GPRIN3: variants seen among roughly 807,000 people sequenced by gnomAD.
GPRIN3 encodes G protein-regulated inducer of neurite outgrowth 3.
GPRIN3 carries 12 observed loss-of-function variants against 13.7 expected under a neutral mutation model. The observed-to-expected ratio is 0.87, with a 90% confidence interval of 0.56 to 1.42. The LOEUF (loss-of-function observed/expected upper bound fraction) is 1.42, where lower values mean the gene tolerates loss of function less well. Among genes scored for constraint, GPRIN3 ranks in the 40% most tolerant of loss-of-function variants. The probability of loss-of-function intolerance (pLI) is 0.00; values close to 1 mark genes in which losing one functional copy is unlikely to be tolerated. For missense variants in GPRIN3, 1,009 were observed against 958.7 expected (o/e 1.05, Z -0.69); for synonymous variants, 377 against 372.7 (o/e 1.01, Z -0.13).
rs1410679143 is a variant in GPRIN3 at position 89,241,629 on chromosome 4, G to C, written c.*6151C>G. 1 of 152,072 alleles carries C rather than the reference G, an allele frequency of 6.6e-6. No individual in the cohort carries two copies. Among genetic ancestry groups the C allele is most frequent in the Non-Finnish European group, 1.5e-5 (1 of 67,994 alleles). The allele number at this position is 152,072 out of a possible 1,614,324, so 9.4% of individuals were successfully genotyped here. On this transcript the variant is annotated 3_prime_UTR_variant, in exon 2 of 2. Transcript: ENST00000609438. ...AGAATTAGTCTTTCCTCTCCTCTAG[G>C]GATTGGGGAGTATGACTATAATACT... is the stretch of plus-strand genomic sequence containing the variant.
At chr4:89,301,694 T>C (rs1354355141) in intron 1 of GPRIN3, among the ~76,000 whole-genome samples, 1 of 152,220 alleles carries the variant, frequency 6.6e-6, no homozygotes, top group Non-Finnish European at 1.5e-5. Context: ...ATAAACCAGA[T>C]CTCCCACTTG....
chr4:89,262,604 C>T (rs1723663247), intron 1 of GPRIN3, among the ~76,000 whole-genome samples: 1 of 152,180 alleles, frequency 6.6e-6, no homozygotes, highest in South Asian at 2.1e-4. Flanking sequence ...GGGAGGTCAG[C>T]CTGGCCATGC....
At chr4:89,263,510 C>A (rs1285412377) in intron 1 of GPRIN3, among the ~76,000 whole-genome samples, 1 of 152,152 alleles carries the variant, frequency 6.6e-6, no homozygotes, top group African/African-American at 2.4e-5. Flanking sequence ...AATGGCCAGG[C>A]AGGAAGCACT....
chr4:89,271,016 G>T (rs1723936373), intron 1 of GPRIN3, among the ~76,000 whole-genome samples: 1 of 152,110 alleles, frequency 6.6e-6, no homozygotes, highest in Non-Finnish European at 1.5e-5. Context: ...TGAATACAAT[G>T]TGTCAGACTA....
intron 1 of GPRIN3, among the ~76,000 whole-genome samples, chr4:89,290,150 T>C (rs559398766): frequency 2.0e-5 from 3 of 151,662 alleles, no homozygotes; most frequent in Admixed American, 6.6e-5. Context: ...TCTGTATTTT[T>C]TGTAGAGACA....
At chr4:89,289,025 C>G (rs1215261525) in intron 1 of GPRIN3, among the ~76,000 whole-genome samples, 2 of 151,926 alleles carry the variant, frequency 1.3e-5, no homozygotes, top group Admixed American at 1.3e-4. Flanking sequence ...TTTCTTTCCA[C>G]TTTCAGATCA....
intron 1 of GPRIN3, among the ~76,000 whole-genome samples, chr4:89,275,524 C>T (rs568374766): frequency 7.2e-5 from 11 of 152,302 alleles, no homozygotes; most frequent in African/African-American, 2.4e-4. Flanking sequence ...AAAAGGATAG[C>T]TTTCCTCTTC....
Position 89,240,989 on chromosome 4 carries a change from T to C in GPRIN3, c.*6791A>G, listed in dbSNP as rs1722907570. The C allele has an allele frequency of 6.6e-6, 1 of 152,172 alleles. No homozygotes were observed. The highest frequency in any genetic ancestry group is 2.4e-5 in the African/African-American group (1 of 41,444). The allele number at this position is 152,172 out of a possible 1,614,324, so 9.4% of individuals were successfully genotyped here. ...GAGGATTTAGATAATTCATACAAGG[T>C]ATGTACACAATCACACCCATAGTAT... On this transcript the variant is annotated 3_prime_UTR_variant, in exon 2 of 2. Transcript: ENST00000609438.
chr4:89,299,414 CAGG>C lies in GPRIN3; in HGVS notation c.-124+8198_-124+8200del, dbSNP rs1243553849. 2.0e-5 allele frequency among the ~76,000 whole-genome samples: 3 copies of C among 152,074 alleles called. No homozygotes were observed. In the East Asian group the frequency reaches 5.8e-4, roughly 29 times the overall value. On this transcript the variant is annotated intron_variant, in intron 1 of 1. Transcript: ENST00000609438. ...AAGTGTGCATGAGGAAGGAAAGTGG[CAGG>C]AGAAGTTGACAAGGCATGAGAGATT...
chr4:89,293,603 T>C (rs1724650644), intron 1 of GPRIN3, among the ~76,000 whole-genome samples: 1 of 152,232 alleles, frequency 6.6e-6, no homozygotes, highest in Non-Finnish European at 1.5e-5. Flanking sequence ...TCAGGGTCAT[T>C]GAGGCTGGAG....
In GPRIN3 at chr4:89,268,542, C is replaced by T. The variant is rs543898898; in HGVS notation, c.-123-18309G>A. On this transcript the variant is annotated intron_variant, in intron 1 of 1. Transcript: ENST00000609438. Reference sequence around the variant, plus strand: ...GCACCTCTGCTACCCCTCCCAAATCCCCCCACAACTCACTTCAAATAAATG... The same window carrying T: ...GCACCTCTGCTACCCCTCCCAAATCTCCCCACAACTCACTTCAAATAAATG... Among the ~76,000 whole-genome samples, 3 of 152,258 alleles carry T rather than the reference C, an allele frequency of 2.0e-5. No homozygotes were observed. In the East Asian group the frequency reaches 5.8e-4, roughly 29 times the overall value.
In GPRIN3 at chr4:89,248,507, G is replaced by T. The variant is rs145319873; in HGVS notation, c.1604C>A (p.Ala535Glu). 1.5e-3 allele frequency: 2,450 copies of T among 1,613,038 alleles called. 4 individuals are homozygous for T. The highest frequency in any genetic ancestry group is 1.8e-3 in the Non-Finnish European group (2,178 of 1,179,478). The change falls in exon 2 of 2, where the codon GCA (alanine) becomes GAA (glutamate). Residue 535 changes from alanine to glutamate, a missense_variant. By Grantham distance (107) the Ala-to-Glu change is moderately radical. Transcript: ENST00000609438. ...GSLDPTNKGD[A>E]REKKPASPQV... ...AGGAGATGCAGGCTTCTTTTCCCTT[G>T]CATCTCCTTTATTAGTGGGATCCAA...
chr4:89,298,520 C>A (rs1157523898), intron 1 of GPRIN3, among the ~76,000 whole-genome samples: 1 of 151,986 alleles, frequency 6.6e-6, no homozygotes, highest in Non-Finnish European at 1.5e-5. Context: ...AGATCATGAC[C>A]AGGAAAAGAG....
chr4:89,285,923 T>C (rs1167533162), intron 1 of GPRIN3, among the ~76,000 whole-genome samples: 2 of 152,196 alleles, frequency 1.3e-5, no homozygotes, highest in African/African-American at 4.8e-5. Context: ...AGAAGCCGTA[T>C]ACTAGTTCTT....
At position 89,247,433 on chromosome 4, in the gene GPRIN3, T is replaced by C. The variant is rs182429788; in HGVS notation, c.*347A>G. Reference sequence around the variant, plus strand: ...AATGGAACTACTACTGTGTGATAAATTGAGGCAGTTATACAAAATAATACA... The same window carrying C: ...AATGGAACTACTACTGTGTGATAAACTGAGGCAGTTATACAAAATAATACA... On this transcript the variant is annotated 3_prime_UTR_variant, in exon 2 of 2. Transcript: ENST00000609438. The C allele has an allele frequency of 1.1e-5, 2 of 186,102 alleles. No homozygotes were observed. Among genetic ancestry groups the C allele is most frequent in the Admixed American group, 1.1e-4 (2 of 17,956 alleles). The allele number at this position is 186,102 out of a possible 1,614,324, so 11.5% of individuals were successfully genotyped here. A position where few individuals can be genotyped will look rare whatever the true frequency, so the allele number is the denominator to read the frequency against.
chr4:89,254,458 C>G (rs543381913), intron 1 of GPRIN3, among the ~76,000 whole-genome samples: 1 of 152,166 alleles, frequency 6.6e-6, no homozygotes, highest in South Asian at 2.1e-4. Context: ...TCATTTAGCT[C>G]CCACTTAAAA....
At chr4:89,297,635 T>G (rs1218906477) in intron 1 of GPRIN3, among the ~76,000 whole-genome samples, 1 of 152,196 alleles carries the variant, frequency 6.6e-6, no homozygotes, top group Admixed American at 6.5e-5. Context: ...TTCAGAGGCA[T>G]GAATTACCAC....
chr4:89,283,707 G>A (rs1724322654), intron 1 of GPRIN3, among the ~76,000 whole-genome samples: 1 of 152,158 alleles, frequency 6.6e-6, no homozygotes, highest in African/African-American at 2.4e-5. Context: ...ATGCTGCCTT[G>A]AAAACTAAGC....
chr4:89,305,108 A>G (rs1053903990), intron 1 of GPRIN3, among the ~76,000 whole-genome samples: 5 of 152,146 alleles, frequency 3.3e-5, no homozygotes, highest in Non-Finnish European at 5.9e-5. Flanking sequence ...TTTGGACTTC[A>G]GTTTGTAGGT....
Sources: gnomAD v4.1 joint callset for allele counts (sites outside exome capture counted in the v4.1 genomes callset) on GRCh38, gnomAD v4.1.1 for gene constraint, MANE v1.5 for transcripts, NCBI Gene and HGNC (gene_info 2026-07-23, HGNC 2026-07-21) for gene names.